C10orf67: variants seen among roughly 807,000 people sequenced by gnomAD.
C10orf67 encodes uncharacterized protein C10orf67, mitochondrial.
In C10orf67, 60 loss-of-function variants were observed where a neutral mutation model predicts 35.6. That is an observed-to-expected ratio of 1.68 (90% CI 1.37 to 2.09). The LOEUF (loss-of-function observed/expected upper bound fraction) is 2.09, where lower values mean the gene tolerates loss of function less well. Ranked by LOEUF, C10orf67 falls within the 30% of genes most tolerant of loss-of-function variation. The probability of loss-of-function intolerance (pLI) is 0.00; values close to 1 mark genes in which losing one functional copy is unlikely to be tolerated. For missense variants in C10orf67, 474 were observed against 330.2 expected, an observed-to-expected ratio of 1.44 and a Z score of -3.38; for synonymous variants, 167 against 115.8, an observed-to-expected ratio of 1.44 and a Z score of -2.84.
rs1842422004 is a variant in C10orf67, at chr10:23,250,610, A to G, written c.1280+2T>C. ...CAGTGCCTTTTACTCTATTACCAGT[A>G]CCTTTCCACCTTCTTTTTCTCATTC... On this transcript the variant is annotated splice_donor_variant, in intron 11 of 15. Coordinates refer to ENST00000636213, the MANE Select transcript of C10orf67 (RefSeq NM_001371909.1). LOFTEE classifies it high-confidence loss of function. 4 of 398,538 alleles carry G rather than the reference A, an allele frequency of 1.0e-5. No individual in the cohort carries two copies. Among genetic ancestry groups the G allele is most frequent in the African/African-American group, 8.2e-5 (4 of 48,608 alleles). The allele number at this position is 398,538 out of a possible 1,614,324, so 24.7% of individuals were successfully genotyped here. A position where few individuals can be genotyped will look rare whatever the true frequency, so the allele number is the denominator to read the frequency against.
At chr10:23,239,389 T>G (rs1482549914) in intron 13 of C10orf67, among the ~76,000 whole-genome samples, 3 of 152,210 alleles carry the variant, frequency 2.0e-5, no homozygotes, top group African/African-American at 7.2e-5. Context: ...CTCCAAGCTT[T>G]GATATTTCCC....
chr10:23,322,071 T>A (rs1332136021), intron 3 of C10orf67, among the ~76,000 whole-genome samples: 2 of 152,236 alleles, frequency 1.3e-5, no homozygotes, highest in African/African-American at 2.4e-5. Context: ...TAGAGGCATG[T>A]GTGCTTGGCC....
intron 13 of C10orf67, among the ~76,000 whole-genome samples, chr10:23,230,899 C>A (rs1236832614): frequency 6.6e-6 from 1 of 152,174 alleles, no homozygotes; most frequent in East Asian, 1.9e-4. Flanking sequence ...AGTAATATTA[C>A]TTTGGAAAAC....
chr10:23,303,997 G>A lies in C10orf67; in HGVS notation c.547-538C>T, dbSNP rs185657488. ...TTCATTGCCCTGTGGACTTGGTCCT[G>A]CCTCTAGAACCATCTGCCAAGAAAT... On this transcript the variant is annotated intron_variant, in intron 4 of 15. Coordinates refer to ENST00000636213, the MANE Select transcript of C10orf67 (RefSeq NM_001371909.1). Among the ~76,000 whole-genome samples, 330 of 152,274 alleles carry A rather than the reference G, an allele frequency of 2.2e-3. 5 individuals are homozygous for A. The highest frequency in any genetic ancestry group is 7.5e-3 in the African/African-American group (312 of 41,548).
At chr10:23,341,687 CCT>C (rs1323851159) in intron 1 of C10orf67, among the ~76,000 whole-genome samples, 2 of 152,180 alleles carry the variant, frequency 1.3e-5, no homozygotes, top group Non-Finnish European at 2.9e-5. Context: ...CACTATTCTC[CCT>C]CTCTGCTCCA....
intron 2 of C10orf67, among the ~76,000 whole-genome samples, chr10:23,329,797 CAAAAAAAAAAAA>C (rs398013008): frequency 2.1e-5 from 1 of 48,092 alleles, no homozygotes; most frequent in Non-Finnish European, 3.5e-5. Flanking sequence ...GAACTTGTCT[CAAAAAAAAAAAA>C]AAAAAAAGAA....
At chr10:23,301,089 C>A (rs909209444) in intron 5 of C10orf67, among the ~76,000 whole-genome samples, 9 of 152,168 alleles carry the variant, frequency 5.9e-5, no homozygotes, top group Admixed American at 6.5e-5. Flanking sequence ...TCTAGCTGGG[C>A]CAAATTCTCC....
rs187669361 is a variant in C10orf67 at position 23,336,272 on chromosome 10, T to C, written c.207-3090A>G. ...TAGAAAGTTCTCTGAGACAATGGAATGGAATGGGAAGAATTGGTATGAATG... is the reference window on the plus strand; with the variant it reads ...TAGAAAGTTCTCTGAGACAATGGAACGGAATGGGAAGAATTGGTATGAATG... On this transcript the variant is annotated intron_variant, in intron 1 of 15. Transcript: ENST00000636213. 6.3e-3 allele frequency among the ~76,000 whole-genome samples: 955 copies of C among 152,140 alleles called. 9 individuals are homozygous for C. The highest frequency in any genetic ancestry group is 7.7e-3 in the Non-Finnish European group (522 of 67,972).
At chr10:23,326,616 G>A (rs1271161596) in intron 2 of C10orf67, among the ~76,000 whole-genome samples, 1 of 152,040 alleles carries the variant, frequency 6.6e-6, no homozygotes, top group East Asian at 1.9e-4. Flanking sequence ...CCTCTTATTA[G>A]CTTAAAATTT....
intron 4 of C10orf67, among the ~76,000 whole-genome samples, chr10:23,310,552 T>C (rs1394889466): frequency 6.6e-6 from 1 of 152,212 alleles, no homozygotes; most frequent in Non-Finnish European, 1.5e-5. Flanking sequence ...AGTGCCTCAC[T>C]GGCTTCTGTC....
intron 8 of C10orf67, among the ~76,000 whole-genome samples, chr10:23,272,209 G>A (rs1248928133): frequency 6.6e-6 from 1 of 152,154 alleles, no homozygotes; most frequent in Non-Finnish European, 1.5e-5. Flanking sequence ...GAGCCACCAT[G>A]CCTGGCTAAA....
At chr10:23,268,209 C>T (rs1042207665) in intron 8 of C10orf67, among the ~76,000 whole-genome samples, 2 of 152,096 alleles carry the variant, frequency 1.3e-5, no homozygotes, top group African/African-American at 2.4e-5. Flanking sequence ...GCAGGAGAAT[C>T]GCTTGAGTCC....
chr10:23,216,458 T>C (rs1841433429), intron 15 of C10orf67, among the ~76,000 whole-genome samples: 1 of 152,180 alleles, frequency 6.6e-6, no homozygotes, highest in Non-Finnish European at 1.5e-5. Flanking sequence ...CAGTATCTAG[T>C]AAAGTTACTA....
At chr10:23,218,663 T>C (rs903980528) in intron 15 of C10orf67, among the ~76,000 whole-genome samples, 2 of 152,184 alleles carry the variant, frequency 1.3e-5, no homozygotes, top group African/African-American at 4.8e-5. Flanking sequence ...AATGGAAAAG[T>C]TGGTGGCAGT....
At chr10:23,229,526 T>C (rs1454592305) in intron 13 of C10orf67, among the ~76,000 whole-genome samples, 1 of 152,004 alleles carries the variant, frequency 6.6e-6, no homozygotes, top group Non-Finnish European at 1.5e-5. Flanking sequence ...GGCACATGTA[T>C]ACATATGTTA....
At chr10:23,257,187 G>C (rs1299084966) in intron 10 of C10orf67, among the ~76,000 whole-genome samples, 1 of 152,146 alleles carries the variant, frequency 6.6e-6, no homozygotes, top group African/African-American at 2.4e-5. Context: ...TCCTGCCCAA[G>C]ACCAACTTCA....
intron 15 of C10orf67, among the ~76,000 whole-genome samples, chr10:23,221,254 T>G (rs918830809): frequency 7.9e-5 from 12 of 152,066 alleles, no homozygotes; most frequent in African/African-American, 2.9e-4. Flanking sequence ...GACAGCGAAG[T>G]GCCACACACT....
At chr10:23,260,358 G>T (rs1842715188) in intron 10 of C10orf67, among the ~76,000 whole-genome samples, 1 of 151,718 alleles carries the variant, frequency 6.6e-6, no homozygotes, top group East Asian at 1.9e-4. Context: ...AAAACTAAGA[G>T]AATTCATTGC....
intron 2 of C10orf67, among the ~76,000 whole-genome samples, chr10:23,329,682 C>A (rs1026519752): frequency 1.3e-5 from 2 of 150,890 alleles, no homozygotes; most frequent in Non-Finnish European, 2.9e-5. Flanking sequence ...CTCTTGTAAT[C>A]CCAGCTACTC....
Sources: allele counts gnomAD v4.1 joint callset (sites outside exome capture counted in the v4.1 genomes callset), GRCh38; gene constraint gnomAD v4.1.1; transcripts MANE v1.5; gene names NCBI Gene and HGNC (gene_info 2026-07-23, HGNC 2026-07-21).